SOX5: variants seen among roughly 807,000 people sequenced by gnomAD.
The protein encoded by SOX5 is SRY-box transcription factor 5, also known as transcription factor SOX-5.
Under a neutral mutation model 92.0 loss-of-function variants are expected in SOX5, and 9 were observed. The observed-to-expected ratio is 0.10, with a 90% CI of 0.06 to 0.17. SOX5 has a LOEUF of 0.17. SOX5 is among the 10% of genes least tolerant of loss of function. SOX5 has a pLI of 1.00. For missense variants in SOX5, 642 were observed against 944.5 expected (o/e 0.68, Z 4.20); for synonymous variants, 344 against 336.3 (o/e 1.02, Z -0.25).
intron 4 of SOX5, among the ~76,000 whole-genome samples, chr12:24,013,184 C>T (rs1953160300): frequency 6.6e-6 from 1 of 152,144 alleles, no homozygotes. Flanking sequence ...TGGACTGACT[C>T]TGCAGACAGA....
intron 4 of SOX5, among the ~76,000 whole-genome samples, chr12:23,752,604 T>C (rs540166977): frequency 9.8e-4 from 149 of 151,868 alleles, no homozygotes; most frequent in Non-Finnish European, 1.9e-3. Context: ...TGTGTGACTA[T>C]TGGTTGCCAG....
At chr12:23,682,122 A>G (rs2086726374) in intron 6 of SOX5, among the ~76,000 whole-genome samples, 1 of 151,828 alleles carries the variant, frequency 6.6e-6, no homozygotes, top group Admixed American at 6.6e-5. Flanking sequence ...CAATAATTAC[A>G]GAATACAAAT....
chr12:24,145,721 G>T (rs978136884), intron 4 of SOX5, among the ~76,000 whole-genome samples: 1 of 152,210 alleles, frequency 6.6e-6, no homozygotes, highest in Admixed American at 6.5e-5. Flanking sequence ...TGCCCAGGCT[G>T]GTCTTGACCT....
intron 4 of SOX5, among the ~76,000 whole-genome samples, chr12:24,095,192 G>A (rs2137860603): frequency 6.7e-6 from 1 of 150,370 alleles, no homozygotes; most frequent in Admixed American, 6.7e-5. Flanking sequence ...GAGAGAGAGA[G>A]AGATTCCTTT....
chr12:23,611,381 T>TGG (rs2137751653), intron 8 of SOX5, among the ~76,000 whole-genome samples: 1 of 142,804 alleles, frequency 7.0e-6, no homozygotes, highest in Admixed American at 7.0e-5. Context: ...TGTGTGTGTG[T>TGG]GTGTGTGTGT....
chr12:24,298,789 A>G (rs1037350662), intron 2 of SOX5, among the ~76,000 whole-genome samples: 1 of 149,898 alleles, frequency 6.7e-6, no homozygotes, highest in African/African-American at 2.4e-5. Flanking sequence ...TAGTCAAAAA[A>G]AAAAAAAAAA....
chr12:23,712,470 C>T (rs573834488), intron 6 of SOX5, among the ~76,000 whole-genome samples: 210 of 152,294 alleles, frequency 1.4e-3, no homozygotes, highest in African/African-American at 4.8e-3. Context: ...TTGATTGTAA[C>T]TTCAGGACAA....
chr12:23,885,714 T>TTAAAA (rs1201643443), intron 2 of SOX5, among the ~76,000 whole-genome samples: 16 of 152,144 alleles, frequency 1.1e-4, no homozygotes, highest in African/African-American at 3.9e-4. Flanking sequence ...AAAAAGCATT[T>TTAAAA]TGCACACAAA....
chr12:23,872,204 G>C (rs1339561976), intron 2 of SOX5, among the ~76,000 whole-genome samples: 7 of 117,406 alleles, frequency 6.0e-5, no homozygotes, highest in Non-Finnish European at 1.1e-4. Context: ...AGTAGAGAAG[G>C]GGTTTCACCG....
intron 7 of SOX5, among the ~76,000 whole-genome samples, chr12:23,657,589 T>C (rs2082474210): frequency 6.6e-6 from 1 of 152,188 alleles, no homozygotes; most frequent in African/African-American, 2.4e-5. Context: ...CTGTTACATT[T>C]ATTCAGATAA....
chr12:24,353,999 A>G (rs1408106344), intron 2 of SOX5, among the ~76,000 whole-genome samples: 1 of 152,208 alleles, frequency 6.6e-6, no homozygotes, highest in Non-Finnish European at 1.5e-5. Context: ...ACATTGAATA[A>G]TGAGGAAATC....
At chr12:23,832,140 T>A (rs140886462) in intron 3 of SOX5, among the ~76,000 whole-genome samples, 4 of 152,044 alleles carry the variant, frequency 2.6e-5, no homozygotes, top group African/African-American at 9.7e-5. Flanking sequence ...CATATTCACA[T>A]TTACTGTGGA....
intron 3 of SOX5, among the ~76,000 whole-genome samples, chr12:23,825,923 C>T (rs1158686178): frequency 1.3e-5 from 2 of 152,058 alleles, no homozygotes; most frequent in East Asian, 3.9e-4. Flanking sequence ...TTTTACTTAA[C>T]TAATATTCTT....
chr12:23,587,843 A>T (rs563304156), intron 9 of SOX5, among the ~76,000 whole-genome samples: 14 of 152,048 alleles, frequency 9.2e-5, no homozygotes, highest in Non-Finnish European at 1.9e-4. Context: ...AGTGAAGGAG[A>T]GGATGGAAAA....
chr12:24,522,182 T>C (rs1950321678), intron 1 of SOX5, among the ~76,000 whole-genome samples: 1 of 150,904 alleles, frequency 6.6e-6, no homozygotes, highest in Admixed American at 6.6e-5. Context: ...GAAAAATAGA[T>C]AAACTCCTAG....
At chr12:24,494,262 A>G (rs1947389595) in intron 1 of SOX5, among the ~76,000 whole-genome samples, 1 of 152,234 alleles carries the variant, frequency 6.6e-6, no homozygotes, top group Non-Finnish European at 1.5e-5. Flanking sequence ...TCTTGCACCT[A>G]TAAAGAATAT....
chr12:23,903,614 T>A (rs1483881408), intron 1 of SOX5, among the ~76,000 whole-genome samples: 1 of 152,144 alleles, frequency 6.6e-6, no homozygotes, highest in Non-Finnish European at 1.5e-5. Flanking sequence ...AAATATTTAA[T>A]AGATTGCATC....
chr12:23,557,742 A>G (rs1945431182), intron 11 of SOX5, among the ~76,000 whole-genome samples: 1 of 152,126 alleles, frequency 6.6e-6, no homozygotes, highest in East Asian at 1.9e-4. Context: ...TTGGGAGGCC[A>G]AGGCGGGCGG....
At chr12:24,245,592 G>T (rs1938530589) in intron 3 of SOX5, among the ~76,000 whole-genome samples, 1 of 152,048 alleles carries the variant, frequency 6.6e-6, no homozygotes, top group South Asian at 2.1e-4. Context: ...ATCTGATTTG[G>T]GGTCTTTGCC....
Sources: gnomAD v4.1 joint callset for allele counts (sites outside exome capture counted in the v4.1 genomes callset) on GRCh38, gnomAD v4.1.1 for gene constraint, MANE v1.5 for transcripts, NCBI Gene and HGNC (gene_info 2026-07-23, HGNC 2026-07-21) for gene names.